Variants in TENM3 observed in about 807,000 individuals in gnomAD.
The protein encoded by TENM3 is teneurin-3.
Under a neutral mutation model 255.1 loss-of-function variants are expected in TENM3, and 63 were observed. The observed-to-expected ratio is 0.25, with a 90% CI of 0.20 to 0.30. The LOEUF is 0.30. Ranked by LOEUF, TENM3 falls within the 10% of genes least tolerant of loss-of-function variation. The pLI, the probability that TENM3 is intolerant of heterozygous loss-of-function variation, is 1.00. For missense variants in TENM3, 2,929 were observed against 3,461.1 expected (o/e 0.85, Z 3.86); for synonymous variants, 1,306 against 1,322.3 (o/e 0.99, Z 0.27).
chr4:181,776,166 C>T, the TENM3 span, among the ~76,000 whole-genome samples: 2 of 152,090 alleles, frequency 1.3e-5, no homozygotes, highest in Non-Finnish European at 2.9e-5. Flanking sequence ...TCAGTGAGAA[C>T]AGGCAATGTT....
chr4:181,730,126 G>A, the TENM3 span, among the ~76,000 whole-genome samples: 1 of 152,134 alleles, frequency 6.6e-6, no homozygotes, highest in Non-Finnish European at 1.5e-5. Context: ...AGGTTTCGGG[G>A]GAAAGCTATA....
At chr4:182,420,590 G>A (rs1433359375) in intron 3 of TENM3, among the ~76,000 whole-genome samples, 1 of 152,168 alleles carries the variant, frequency 6.6e-6, no homozygotes, top group Non-Finnish European at 1.5e-5. Context: ...TACTTACTCA[G>A]ATAAATCAGT....
chr4:181,568,470 G>A, the TENM3 span, among the ~76,000 whole-genome samples: 95 of 152,108 alleles, frequency 6.2e-4, no homozygotes, highest in African/African-American at 1.9e-3. Context: ...GATTACAGGC[G>A]TGAGCCACTA....
At chr4:182,006,026 A>C in the TENM3 span, among the ~76,000 whole-genome samples, 2 of 152,064 alleles carry the variant, frequency 1.3e-5, no homozygotes, top group African/African-American at 4.8e-5. Context: ...AGACAACTTG[A>C]CTTCCTCTTT....
chr4:181,864,834 A>G, the TENM3 span, among the ~76,000 whole-genome samples: 1 of 152,144 alleles, frequency 6.6e-6, no homozygotes, highest in Non-Finnish European at 1.5e-5. Flanking sequence ...TGTTTTACAG[A>G]GGGCACCCTC....
chr4:181,971,545 A>T, the TENM3 span, among the ~76,000 whole-genome samples: 1 of 152,030 alleles, frequency 6.6e-6, no homozygotes. Flanking sequence ...GGGATGGGGA[A>T]GTTGTTGGGT....
the TENM3 span, among the ~76,000 whole-genome samples, chr4:181,793,559 C>T: frequency 6.6e-6 from 1 of 152,156 alleles, no homozygotes; most frequent in Non-Finnish European, 1.5e-5. Context: ...TTTGAAGGCA[C>T]AGTAGGGAAC....
At chr4:182,708,861 A>G (rs1046608778) in intron 12 of TENM3, among the ~76,000 whole-genome samples, 13 of 151,976 alleles carry the variant, frequency 8.6e-5, no homozygotes, top group Non-Finnish European at 1.8e-4. Flanking sequence ...CACAGGAAAT[A>G]TGGTCCTACT....
chr4:181,738,723 C>G, the TENM3 span, among the ~76,000 whole-genome samples: 1 of 151,874 alleles, frequency 6.6e-6, no homozygotes, highest in Non-Finnish European at 1.5e-5. Context: ...TTCTGAACCC[C>G]CCTCCTAAAT....
the TENM3 span, chr4:181,877,142 A>C: frequency 6.6e-6 from 1 of 152,240 alleles, no homozygotes; most frequent in East Asian, 1.9e-4. Context: ...GTGTAAAAAT[A>C]TACATGTCAA....
intron 3 of TENM3, among the ~76,000 whole-genome samples, chr4:182,408,364 A>C (rs1229370256): frequency 6.6e-6 from 1 of 152,240 alleles, no homozygotes; most frequent in Non-Finnish European, 1.5e-5. Flanking sequence ...AATAAAATGC[A>C]GGCAGAAATA....
chr4:182,686,258 AG>A lies in TENM3; in HGVS notation c.2036-1907del, dbSNP rs530679861. Among the ~76,000 whole-genome samples the A allele has an allele frequency of 6.6e-4, 101 of 152,226 alleles. 1 individual carries two copies. Among genetic ancestry groups the A allele is most frequent in the Middle Eastern group, 3.4e-3 (1 of 294 alleles). On this transcript the variant is annotated intron_variant, in intron 11 of 27. Coordinates refer to ENST00000511685, the MANE Select transcript of TENM3 (RefSeq NM_001080477.4). ...AAAATCTTTATGAAACTTTGCTATT[AG>A]CCACAAAAAGACAGAAAACTTACTT...
intron 3 of TENM3, among the ~76,000 whole-genome samples, chr4:182,363,041 A>G (rs1766140064): frequency 6.6e-6 from 1 of 152,214 alleles, no homozygotes; most frequent in African/African-American, 2.4e-5. Flanking sequence ...ATAATATTTG[A>G]TGGAACTGAG....
At chr4:181,551,418 G>T in the TENM3 span, among the ~76,000 whole-genome samples, 1 of 152,128 alleles carries the variant, frequency 6.6e-6, no homozygotes, top group African/African-American at 2.4e-5. Flanking sequence ...TTTAACGTGG[G>T]CTGCTACTTA....
the TENM3 span, among the ~76,000 whole-genome samples, chr4:181,536,906 C>T: frequency 2.0e-5 from 3 of 152,106 alleles, no homozygotes; most frequent in African/African-American, 4.8e-5. Context: ...TAGGAAGGGA[C>T]CCTGGTGAAC....
At chr4:182,494,240 A>G (rs368745274) in intron 3 of TENM3, among the ~76,000 whole-genome samples, 3 of 152,308 alleles carry the variant, frequency 2.0e-5, no homozygotes, top group African/African-American at 7.2e-5. Flanking sequence ...GAATATTACT[A>G]GGGACCAGAT....
chr4:182,721,261 G>A (rs1014713423), intron 13 of TENM3, among the ~76,000 whole-genome samples: 9 of 152,158 alleles, frequency 5.9e-5, no homozygotes, highest in Non-Finnish European at 5.9e-5. Context: ...CACTCTCATT[G>A]TCAGAAGAGT....
chr4:182,620,136 A>G (rs949868818), intron 4 of TENM3, among the ~76,000 whole-genome samples: 1 of 152,208 alleles, frequency 6.6e-6, no homozygotes, highest in Non-Finnish European at 1.5e-5. Flanking sequence ...CGGCAGAGTC[A>G]CAGGATGGGA....
chr4:182,100,268 T>C, the TENM3 span, among the ~76,000 whole-genome samples: 2 of 151,702 alleles, frequency 1.3e-5, no homozygotes, highest in South Asian at 4.2e-4. Flanking sequence ...GTGCTCTCAC[T>C]TGAGACATCC....
Sources: gnomAD v4.1 joint callset for allele counts (sites outside exome capture counted in the v4.1 genomes callset) on GRCh38, gnomAD v4.1.1 for gene constraint, MANE v1.5 for transcripts, NCBI Gene and HGNC (gene_info 2026-07-23, HGNC 2026-07-21) for gene names.